Variants in ZNF417 observed in about 807,000 individuals in gnomAD.
The protein encoded by ZNF417 is zinc finger protein 417.
Under a neutral mutation model 7.4 loss-of-function variants are expected in ZNF417, and 5 were observed. That is an observed-to-expected ratio of 0.68 (90% CI 0.35 to 1.43). The LOEUF (loss-of-function observed/expected upper bound fraction) is 1.43. Ranked by LOEUF, ZNF417 falls within the 40% of genes most tolerant of loss-of-function variation. The probability of loss-of-function intolerance (pLI) is 0.04; values close to 1 mark genes in which losing one functional copy is unlikely to be tolerated. For missense variants in ZNF417, 437 were observed against 697.3 expected (o/e 0.63, Z 4.20); for synonymous variants, 147 against 239.1 (o/e 0.61, Z 3.55).
Position 57,908,409 on chromosome 19 carries a change from G to A in ZNF417, c.*141C>T, listed in dbSNP as rs182277496. The A allele has an allele frequency of 3.4e-5, 50 of 1,474,818 alleles. No individual in the cohort carries two copies. Among genetic ancestry groups the A allele is most frequent in the Admixed American group, 1.2e-4 (6 of 50,714 alleles). 91.4% of individuals were successfully genotyped at this position (1,474,818 alleles called of 1,614,324 possible). A position where few individuals can be genotyped will look rare whatever the true frequency, so the allele number is the denominator to read the frequency against. On this transcript the variant is annotated 3_prime_UTR_variant, in exon 3 of 3. Transcript: ENST00000312026. ...ACAGAATGAGACTCCGTTCCAATGC[G>A]AAGTCTCTTAAGACCAAGGAGAGCA... is the stretch of plus-strand genomic sequence containing the variant.
chr19:57,913,582 C>T (rs1177017758), intron 1 of ZNF417, among the ~76,000 whole-genome samples: 7 of 152,200 alleles, frequency 4.6e-5, no homozygotes, highest in Non-Finnish European at 1.0e-4. Flanking sequence ...CATCTCAAAA[C>T]GTTTATGAAT....
At chr19:57,916,270 C>T in intron 1 of ZNF417, 109 bp downstream of exon 1, 1 of 1,598,036 alleles carries the variant, frequency 6.3e-7, no homozygotes, top group Non-Finnish European at 8.5e-7. Context: ...CCTCAGTGTT[C>T]CTACGCCGGG....
intron 2 of ZNF417, among the ~76,000 whole-genome samples, chr19:57,910,416 A>T (rs2071890154): frequency 6.6e-6 from 1 of 151,870 alleles, no homozygotes; most frequent in Non-Finnish European, 1.5e-5. Context: ...TGTGGTGGTG[A>T]GCGCCTGTAA....
chr19:57,916,246 C>A, intron 1 of ZNF417, 133 bp downstream of exon 1: 1 of 1,537,632 alleles, frequency 6.5e-7, no homozygotes, highest in Non-Finnish European at 8.8e-7. Flanking sequence ...ACACAGGGAC[C>A]CCTCCTGCGA....
chr19:57,913,532 T>C (rs2071918184), intron 1 of ZNF417, among the ~76,000 whole-genome samples: 1 of 152,176 alleles, frequency 6.6e-6, no homozygotes, highest in African/African-American at 2.4e-5. Flanking sequence ...ACTGCCCACA[T>C]GCACCAAGCT....
At position 57,907,120 on chromosome 19, in the gene ZNF417, G is replaced by C. The variant is rs543010055; in HGVS notation, c.*1430C>G. The C allele has an allele frequency of 6.6e-6, 1 of 152,082 alleles. No homozygotes were observed. The highest frequency in any genetic ancestry group is 2.1e-4 in the South Asian group (1 of 4,814). The allele number at this position is 152,082 out of a possible 1,614,324, so 9.4% of individuals were successfully genotyped here. On this transcript the variant is annotated 3_prime_UTR_variant, in exon 3 of 3. Transcript: ENST00000312026. ...ACCCACCTCAGCCTCCCAAAGTGCT[G>C]GGATTACAGGCCTGAGCCAAAACAC... is the stretch of plus-strand genomic sequence containing the variant.
rs1365998292 is a variant in ZNF417 at position 57,907,032 on chromosome 19, T to G, written c.*1518A>C. 2.0e-5 allele frequency: 3 copies of G among 151,454 alleles called. No individual in the cohort carries two copies. The highest frequency in any genetic ancestry group is 7.3e-5 in the African/African-American group (3 of 41,234). 9.4% of individuals were successfully genotyped at this position (151,454 alleles called of 1,614,324 possible). On this transcript the variant is annotated 3_prime_UTR_variant, in exon 3 of 3. Coordinates refer to ENST00000312026, the MANE Select transcript of ZNF417 (RefSeq NM_152475.3). The stretch of plus-strand genomic sequence containing the variant: ...CTATGCTTGGGTAATTTTTGTATTT[T>G]TAGTAGAGACAGGGTTTCACCATAT...
Position 57,908,720 on chromosome 19 carries a change from A to G in ZNF417, c.1558T>C (p.Tyr520His). ...HKRVHSGQKP[Y>H]KCSECGKSFA... ...GATTTTCCACATTCACTGCACTTAT[A>G]AGGCTTTTGTCCAGAATGAACTCTT... Residue 520 changes from tyrosine to histidine, a missense_variant, in exon 3 of 3, where the codon TAT (tyrosine) becomes CAT (histidine). Around this residue, in one of 5 missense-constraint regions of ZNF417, gnomAD observed 233 missense variants for 235.5 expected, o/e 0.99. Transcript: ENST00000312026. 1 of 1,614,148 alleles carries G rather than the reference A, an allele frequency of 6.2e-7. No homozygotes were observed. The highest frequency in any genetic ancestry group is 1.1e-5 in the South Asian group (1 of 91,084).
rs142958164 is a variant in ZNF417, at chr19:57,908,659, C to A, written c.1619G>T (p.Arg540Ile). ...ATAAGGCCTTTCTCCAGTGTGAATTCTCCTGTGTTTAATGAGACTGGAACA... is the reference window on the plus strand; with the variant it reads ...ATAAGGCCTTTCTCCAGTGTGAATTATCCTGTGTTTAATGAGACTGGAACA... ...AECSSLIKHR[R>I]IHTGERPYEC... Residue 540 changes from arginine to isoleucine, a missense_variant, in exon 3 of 3, where the codon AGA (arginine) becomes ATA (isoleucine). By Grantham distance (97) the Arg-to-Ile change is moderately conservative. Around this residue, in one of 5 missense-constraint regions of ZNF417, gnomAD observed 233 missense variants for 235.5 expected, o/e 0.99. Transcript: ENST00000312026. 1 of 1,614,122 alleles carries A rather than the reference C, an allele frequency of 6.2e-7. No individual in the cohort carries two copies. The highest frequency in any genetic ancestry group is 8.5e-7 in the Non-Finnish European group (1 of 1,180,026).
rs1793846746 is a variant in ZNF417 at position 57,907,605 on chromosome 19, T to G, written c.*945A>C. 2 of 154,866 alleles carry G rather than the reference T, an allele frequency of 1.3e-5. No homozygotes were observed. The highest frequency in any genetic ancestry group is 1.3e-4 in the Admixed American group (2 of 15,290). The allele number at this position is 154,866 out of a possible 1,614,324, so 9.6% of individuals were successfully genotyped here. A position where few individuals can be genotyped will look rare whatever the true frequency, so the allele number is the denominator to read the frequency against. On this transcript the variant is annotated 3_prime_UTR_variant, in exon 3 of 3. Coordinates refer to ENST00000312026, the MANE Select transcript of ZNF417 (RefSeq NM_152475.3). ...AGTATCAGTGTCCCAGATAATCTTC[T>G]TCTGACTGGGACATTTCCCAATTTG...
rs1189811592 is a variant in ZNF417, at chr19:57,908,590, A to C, written c.1688T>G (p.Leu563Arg). 2 of 1,613,634 alleles carry C rather than the reference A, an allele frequency of 1.2e-6. No individual in the cohort carries two copies. Among genetic ancestry groups the C allele is most frequent in the East Asian group, 4.5e-5 (2 of 44,840 alleles). ...CCTGTGTGAACTCTGATGATGAAGG[A>C]GGGTAGAGCTTCGCTGAAATGTTTT... ...CGKTFQRSSTLLHHQSSHRRK... is the reference protein window; with the variant it reads ...CGKTFQRSSTRLHHQSSHRRK... The change falls in exon 3 of 3, where the codon CTC (leucine) becomes CGC (arginine). Residue 563 changes from leucine (L) to arginine (R), a missense_variant. Leu to Arg is a moderately radical substitution (Grantham distance 102). This residue lies in a region of ZNF417 where 233 missense variants were observed against 235.5 expected (regional missense o/e 0.99). Coordinates refer to ENST00000312026, the MANE Select transcript of ZNF417 (RefSeq NM_152475.3).
rs1278004624 is a variant in ZNF417 at position 57,905,974 on chromosome 19, T to TG, written c.*2575dup. On this transcript the variant is annotated 3_prime_UTR_variant, in exon 3 of 3. Coordinates refer to ENST00000312026, the MANE Select transcript of ZNF417 (RefSeq NM_152475.3). ...CTGTAGTTTATGAAGAAAAAAGTTTTGTTTTTTTTGAGGCAGGGCCTTGCT... is the reference window on the plus strand; with the variant it reads ...CTGTAGTTTATGAAGAAAAAAGTTTTGGTTTTTTTTGAGGCAGGGCCTTGCT... Among the ~76,000 whole-genome samples the TG allele has an allele frequency of 1.4e-5, 2 of 139,852 alleles. No individual in the cohort carries two copies. The highest frequency in any genetic ancestry group is 3.8e-3 in the Middle Eastern group (1 of 266). The allele number at this position is 139,852 out of a possible 152,430, so 91.7% of individuals were successfully genotyped here.
At chr19:57,916,281 TA>T in intron 1 of ZNF417, 97 bp downstream of exon 1, 1 of 1,605,396 alleles carries the variant, frequency 6.2e-7, no homozygotes, top group Non-Finnish European at 8.5e-7. Flanking sequence ...CTACGCCGGG[TA>T]CCGGCTACAG....
rs2071863531 is a variant in ZNF417 at position 57,908,874 on chromosome 19, T to A, written c.1404A>T (p.Val468=). Reference sequence around the variant, plus strand: ...TCTTATTACCAAATAATTTCCCACATACCTCACACGCATATGGCCTTTCTC... The same window carrying A: ...TCTTATTACCAAATAATTTCCCACAAACCTCACACGCATATGGCCTTTCTC... ...HTGERPYACE[V]CGKLFGNKNC... The change falls in exon 3 of 3, where the codon GTA becomes GTT. Residue 468 remains valine, a synonymous_variant. Coordinates refer to ENST00000312026, the MANE Select transcript of ZNF417 (RefSeq NM_152475.3). 1.2e-6 allele frequency: 2 copies of A among 1,614,224 alleles called. 1 individual carries two copies. Among genetic ancestry groups the A allele is most frequent in the South Asian group, 2.2e-5 (2 of 91,086 alleles).
chr19:57,912,595 C>G (rs2071908548), intron 1 of ZNF417, among the ~76,000 whole-genome samples: 1 of 152,022 alleles, frequency 6.6e-6, no homozygotes, highest in Non-Finnish European at 1.5e-5. Flanking sequence ...GGCATCCCCA[C>G]AAATAGAACT....
chr19:57,913,911 T>C (rs1305202564), intron 1 of ZNF417, among the ~76,000 whole-genome samples: 2 of 152,190 alleles, frequency 1.3e-5, no homozygotes, highest in Admixed American at 6.5e-5. Flanking sequence ...ATAACTAACT[T>C]ACTGAAGTTC....
chr19:57,908,362 C>T lies in ZNF417; in HGVS notation c.*188G>A. ...CAAGTTGCAGTGAGCCAAGATTGCA[C>T]CACTGCACTCCAGCCTGGGTGACAG... On this transcript the variant is annotated 3_prime_UTR_variant, in exon 3 of 3. Transcript: ENST00000312026. The T allele has an allele frequency of 9.0e-7, 1 of 1,108,754 alleles. No homozygotes were observed. The highest frequency in any genetic ancestry group is 1.3e-6 in the Non-Finnish European group (1 of 781,952). The allele number at this position is 1,108,754 out of a possible 1,614,324, so 68.7% of individuals were successfully genotyped here. A position where few individuals can be genotyped will look rare whatever the true frequency, so the allele number is the denominator to read the frequency against.
chr19:57,912,068 G>T lies in ZNF417; in HGVS notation c.155C>A (p.Ser52Tyr), dbSNP rs759813700. The change falls in exon 2 of 3, where the codon TCC becomes TAC. Residue 52 changes from serine (S) to tyrosine (Y), a missense_variant. This residue lies in a region of ZNF417 where 57 missense variants were observed against 70.7 expected (regional missense o/e 0.81). Transcript: ENST00000312026. ...DVMLENLALI[S>Y]SLGCWCGSKD... is the part of the protein sequence containing the mutation. ...GAGCGTGAGCAACTTACCCAGCGAG[G>T]ATATGAGAGCCAGGTTCTCTAGCAT... is the stretch of plus-strand genomic sequence containing the variant. 5.7e-6 allele frequency: 9 copies of T among 1,582,550 alleles called. No homozygotes were observed. The highest frequency in any genetic ancestry group is 6.9e-6 in the Non-Finnish European group (8 of 1,162,450).
rs1015634011 is a variant in ZNF417, at chr19:57,907,560, G to C, written c.*990C>G. ...TGGCTCCCTGCCTCCGGGTCCCTCA[G>C]AATGTCCCATCTCCCTGTCAGTATC... On this transcript the variant is annotated 3_prime_UTR_variant, in exon 3 of 3. Coordinates refer to ENST00000312026, the MANE Select transcript of ZNF417 (RefSeq NM_152475.3). 3 of 154,856 alleles carry C rather than the reference G, an allele frequency of 1.9e-5. No individual in the cohort carries two copies. The highest frequency in any genetic ancestry group is 2.9e-5 in the Non-Finnish European group (2 of 68,234). The allele number at this position is 154,856 out of a possible 1,614,324, so 9.6% of individuals were successfully genotyped here.
Sources: allele counts gnomAD v4.1 joint callset (sites outside exome capture counted in the v4.1 genomes callset), GRCh38; gene constraint gnomAD v4.1.1; regional missense constraint gnomAD v4.1.1; transcripts MANE v1.5; gene names NCBI Gene and HGNC (gene_info 2026-07-23, HGNC 2026-07-21).